Variants in OPALIN observed in about 807,000 individuals in gnomAD.
OPALIN encodes the protein transmembrane protein 10.
A neutral mutation model predicts 17.8 loss-of-function variants in OPALIN; 15 were observed. The ratio of observed to expected loss-of-function variants is 0.84; its 90% CI spans 0.56 to 1.29. OPALIN has a LOEUF of 1.29. Among genes scored for constraint, OPALIN ranks in the 50% most tolerant of loss-of-function variants. The pLI is 0.00. For synonymous variants in OPALIN, 62 were observed against 63.8 expected (o/e 0.97, Z 0.14); for missense variants, 170 against 176.0 (o/e 0.97, Z 0.19).
chr10:96,357,212 C>T, intron 1 of OPALIN: 2 of 965,154 alleles, frequency 2.1e-6, no homozygotes, highest in Admixed American at 1.2e-4. Flanking sequence ...GGACTGATGT[C>T]AGCAGCCCTA....
At chr10:96,358,186 TAAAAAAAAAAAAAAAA>T (rs61616596) in intron 1 of OPALIN, among the ~76,000 whole-genome samples, 26 of 61,590 alleles carry the variant, frequency 4.2e-4, no homozygotes, top group Non-Finnish European at 7.0e-4. Context: ...ATGCTTTTTG[TAAAAAAAAAAAAAAAA>T]AAAAAAAAAA....
intron 4 of OPALIN, 152 bp from the exon 5 acceptor site, chr10:96,348,497 C>G: frequency 1.9e-6 from 1 of 514,966 alleles, no homozygotes; most frequent in Non-Finnish European, 3.4e-6. Flanking sequence ...CTAATAACAT[C>G]ACCCCTCAAA....
chr10:96,347,415 A>G (rs1468187965), intron 5 of OPALIN, among the ~76,000 whole-genome samples: 1 of 151,884 alleles, frequency 6.6e-6, no homozygotes, highest in Non-Finnish European at 1.5e-5. Flanking sequence ...TTCTATGTCG[A>G]CAATCATACC....
chr10:96,356,879 G>T (rs935144449), intron 1 of OPALIN: 14 of 985,240 alleles, frequency 1.4e-5, no homozygotes, highest in Non-Finnish European at 1.7e-5. Flanking sequence ...GGTTTCCCAA[G>T]TCCAAACAAC....
At position 96,351,409 on chromosome 10, in the gene OPALIN, G is replaced by A. The variant is rs766123479; in HGVS notation, c.41C>T (p.Thr14Met). 9.1e-6 allele frequency: 14 copies of A among 1,539,446 alleles called. No homozygotes were observed. Among genetic ancestry groups the A allele is most frequent in the South Asian group, 8.5e-5 (7 of 82,132 alleles). The change falls in exon 3 of 6, where the codon ACG becomes ATG. Residue 14 changes from threonine to methionine, a missense_variant and splice_region_variant. Coordinates refer to ENST00000371172, the MANE Select transcript of OPALIN (RefSeq NM_033207.5). ...SLNFTLPANTTSSPVTGGKET... is the reference protein window; with the variant it reads ...SLNFTLPANTMSSPVTGGKET... ...TTTCCCACCTGTGACAGGAGAGGAC[G>A]TCTGTATGGAAAAAGAACATATATT...
At chr10:96,350,319 G>A (rs928015810) in intron 3 of OPALIN, among the ~76,000 whole-genome samples, 2 of 152,072 alleles carry the variant, frequency 1.3e-5, no homozygotes, top group African/African-American at 2.4e-5. Flanking sequence ...GGATTCAAAC[G>A]ATTCTTCTGC....
In OPALIN at chr10:96,344,965, C is replaced by T. The variant is rs1166741079; in HGVS notation, c.*976G>A. On this transcript the variant is annotated 3_prime_UTR_variant, in exon 6 of 6. Coordinates refer to ENST00000371172, the MANE Select transcript of OPALIN (RefSeq NM_033207.5). Reference sequence around the variant, plus strand: ...GGAATTCGGAACTTGTAAGAAACTGCCTTTTCCTGATTCATATGAGGACAC... The same window carrying T: ...GGAATTCGGAACTTGTAAGAAACTGTCTTTTCCTGATTCATATGAGGACAC... 2.6e-5 allele frequency: 4 copies of T among 152,188 alleles called. No individual in the cohort carries two copies. Among genetic ancestry groups the T allele is most frequent in the African/African-American group, 7.2e-5 (3 of 41,444 alleles). The allele number at this position is 152,188 out of a possible 1,614,324, so 9.4% of individuals were successfully genotyped here.
chr10:96,356,883 A>G (rs1177058284), intron 1 of OPALIN: 40 of 985,248 alleles, frequency 4.1e-5, no homozygotes, highest in Non-Finnish European at 4.6e-5. Context: ...TCCCAAGTCC[A>G]AACAACTACT....
intron 1 of OPALIN, among the ~76,000 whole-genome samples, chr10:96,357,711 G>A (rs1039698572): frequency 1.3e-5 from 2 of 152,154 alleles, no homozygotes; most frequent in African/African-American, 4.8e-5. Context: ...CTGTGTTTTA[G>A]GGATCACGTG....
chr10:96,348,139 C>T, intron 5 of OPALIN, 150 bp downstream of exon 5: 3 of 399,886 alleles, frequency 7.5e-6, no homozygotes, highest in Non-Finnish European at 1.3e-5. Flanking sequence ...AATAAAAATG[C>T]ACTGAGAACC....
chr10:96,343,429 C>T lies in OPALIN; in HGVS notation c.*2512G>A, dbSNP rs1484720908. 2 of 152,208 alleles carry T rather than the reference C, an allele frequency of 1.3e-5. No individual in the cohort carries two copies. The highest frequency in any genetic ancestry group is 1.9e-4 in the East Asian group (1 of 5,200). The allele number at this position is 152,208 out of a possible 1,614,324, so 9.4% of individuals were successfully genotyped here. A position where few individuals can be genotyped will look rare whatever the true frequency, so the allele number is the denominator to read the frequency against. Reference sequence around the variant, plus strand: ...TCACTTTATAGCTACATGGCTTAGTCACATGCATATTTCAATCCAGCCTTA... The same window carrying T: ...TCACTTTATAGCTACATGGCTTAGTTACATGCATATTTCAATCCAGCCTTA... On this transcript the variant is annotated 3_prime_UTR_variant, in exon 6 of 6. Coordinates refer to ENST00000371172, the MANE Select transcript of OPALIN (RefSeq NM_033207.5).
chr10:96,357,182 A>G lies in OPALIN; in HGVS notation c.3+1712T>C, dbSNP rs1410375055. The G allele has an allele frequency of 1.3e-5, 13 of 984,784 alleles. 1 individual carries two copies. The highest frequency in any genetic ancestry group is 1.6e-5 in the Non-Finnish European group (13 of 829,434). The allele number at this position is 984,784 out of a possible 1,614,324, so 61.0% of individuals were successfully genotyped here. A position where few individuals can be genotyped will look rare whatever the true frequency, so the allele number is the denominator to read the frequency against. On this transcript the variant is annotated intron_variant, in intron 1 of 5. Transcript: ENST00000371172. ...ACTGAATGCAGCTGCCCAGAGCTTT[A>G]TCTCATCAGTGGGCACTGAGGACTG...
At chr10:96,352,558 C>T (rs1474208469) in intron 2 of OPALIN, among the ~76,000 whole-genome samples, 1 of 151,984 alleles carries the variant, frequency 6.6e-6, no homozygotes, top group African/African-American at 2.4e-5. Context: ...AACCCCTACC[C>T]CCACACTACT....
At chr10:96,354,771 T>G (rs1039205848) in intron 2 of OPALIN, among the ~76,000 whole-genome samples, 1 of 151,578 alleles carries the variant, frequency 6.6e-6, no homozygotes, top group African/African-American at 2.4e-5. Flanking sequence ...TCTCTCAGCA[T>G]CTCTCAACTA....
At chr10:96,351,118 T>G (rs1004586286) in intron 3 of OPALIN, among the ~76,000 whole-genome samples, 2 of 152,208 alleles carry the variant, frequency 1.3e-5, no homozygotes, top group East Asian at 3.8e-4. Context: ...GTTTTGTCTG[T>G]TTTTCAGCAT....
chr10:96,345,924 T>C lies in OPALIN; in HGVS notation c.*17A>G, dbSNP rs764668136. ...CCTGTTCCAGTGCCAGGTCTGCTGC[T>C]CCTTGACTGAGCTGCATCATTCCAG... is the stretch of plus-strand genomic sequence containing the variant. On this transcript the variant is annotated 3_prime_UTR_variant, in exon 6 of 6. Coordinates refer to ENST00000371172, the MANE Select transcript of OPALIN (RefSeq NM_033207.5). The C allele has an allele frequency of 6.8e-6, 11 of 1,612,984 alleles. No homozygotes were observed. The highest frequency in any genetic ancestry group is 8.5e-6 in the Non-Finnish European group (10 of 1,179,302).
chr10:96,345,582 G>A lies in OPALIN; in HGVS notation c.*359C>T. On this transcript the variant is annotated 3_prime_UTR_variant, in exon 6 of 6. Coordinates refer to ENST00000371172, the MANE Select transcript of OPALIN (RefSeq NM_033207.5). ...CAACACTTCCATGAAAGTCAGATCT[G>A]ATGGCTTTTTTGAGAAAAAGGATAT... 5.4e-6 allele frequency: 1 copy of A among 185,448 alleles called. No individual in the cohort carries two copies. The highest frequency in any genetic ancestry group is 1.7e-4 in the South Asian group (1 of 5,958). 11.5% of individuals were successfully genotyped at this position (185,448 alleles called of 1,614,324 possible). A position where few individuals can be genotyped will look rare whatever the true frequency, so the allele number is the denominator to read the frequency against.
At chr10:96,357,030 A>G (rs1845850348) in intron 1 of OPALIN, 3 of 985,424 alleles carry the variant, frequency 3.0e-6, no homozygotes, top group African/African-American at 1.7e-5. Context: ...TGCTTCTGGG[A>G]TGACGGTGGA....
At chr10:96,353,806 A>G (rs11188731) in intron 2 of OPALIN, among the ~76,000 whole-genome samples, 10,650 of 152,266 alleles carry the variant, frequency 0.07, 872 homozygotes, top group East Asian at 0.44. Flanking sequence ...AAAAAGAGGA[A>G]GAATTAGGGA....
Sources: allele counts gnomAD v4.1 joint callset (sites outside exome capture counted in the v4.1 genomes callset), GRCh38; gene constraint gnomAD v4.1.1; transcripts MANE v1.5; gene names NCBI Gene and HGNC (gene_info 2026-07-23, HGNC 2026-07-21).